The following RFTN1 variants were observed in gnomAD, a reference collection of about 807,000 sequenced individuals.
The protein encoded by RFTN1 is raftlin.
A neutral mutation model predicts 46.5 loss-of-function variants in RFTN1; 26 were observed. That is an observed-to-expected ratio of 0.56 (90% CI 0.41 to 0.78). RFTN1 has a LOEUF of 0.78. RFTN1 is among the 30% of genes least tolerant of loss of function. The pLI, the probability that RFTN1 is intolerant of heterozygous loss-of-function variation, is 0.00. For missense variants in RFTN1, 693 were observed against 718.7 expected, an observed-to-expected ratio of 0.96 and a Z score of 0.41; for synonymous variants, 261 against 284.2, an observed-to-expected ratio of 0.92 and a Z score of 0.82.
In RFTN1 at chr3:16,428,004, T is replaced by C. The variant is rs945972706; in HGVS notation, c.332+5847A>G. ...AGACCTGTAGACTTACCTGGGCAAT[T>C]ATATAATTTGCACATATATTTTGCA... On this transcript the variant is annotated intron_variant, in intron 3 of 9. Transcript: ENST00000334133. This position sits in a 1 kb window ranked among gnomAD's most constrained non-coding sequence, Gnocchi z 4.7. Among the ~76,000 whole-genome samples, 2 of 151,062 alleles carry C rather than the reference T, an allele frequency of 1.3e-5. No homozygotes were observed. The highest frequency in any genetic ancestry group is 4.9e-5 in the African/African-American group (2 of 40,750).
chr3:16,346,945 T>C lies in RFTN1; in HGVS notation c.1146+10987A>G, dbSNP rs2071762066. On this transcript the variant is annotated intron_variant, in intron 7 of 9. Coordinates refer to ENST00000334133, the MANE Select transcript of RFTN1 (RefSeq NM_015150.2). This position sits in a 1 kb window ranked among gnomAD's most constrained non-coding sequence, Gnocchi z 4.4. ...CAACCTCCCCACCTTGCTCTAGACT[T>C]CCTGCTCAATGAGATGAGATGAACA... Among the ~76,000 whole-genome samples, 1 of 152,196 alleles carries C rather than the reference T, an allele frequency of 6.6e-6. No homozygotes were observed. The highest frequency in any genetic ancestry group is 2.1e-4 in the South Asian group (1 of 4,826).
At position 16,358,010 on chromosome 3, in the gene RFTN1, A is replaced by G. The variant is rs772851596; in HGVS notation, c.1068T>C (p.Phe356=). The change falls in exon 7 of 10, where the codon TTT becomes TTC. Residue 356 remains phenylalanine, a synonymous_variant. Coordinates refer to ENST00000334133, the MANE Select transcript of RFTN1 (RefSeq NM_015150.2). ...TGCTATCTTCTGTGGAAACAGCTTC[A>G]AAGATGAATACTCCATCTGTCAAGC... The part of the protein sequence containing the change: ...LHGLTDGVFI[F]EAVSTEDSKT... 4 of 1,613,200 alleles carry G rather than the reference A, an allele frequency of 2.5e-6. No individual in the cohort carries two copies. Among genetic ancestry groups the G allele is most frequent in the Non-Finnish European group, 3.4e-6 (4 of 1,179,474 alleles).
chr3:16,362,652 T>C (rs1004697904), intron 6 of RFTN1, among the ~76,000 whole-genome samples: 5 of 152,164 alleles, frequency 3.3e-5, no homozygotes, highest in Admixed American at 1.3e-4. Context: ...TCAAGACTAC[T>C]ACAAAAATAA....
rs1472605750 is a variant in RFTN1 at position 16,480,590 on chromosome 3, G to C, written c.145+13135C>G. ...GACAGTGGCATGCAACTTGAGGCCA[G>C]AATCACCTACCTTTTCACACCAGAT... is the stretch of plus-strand genomic sequence containing the variant. On this transcript the variant is annotated intron_variant, in intron 2 of 9. Coordinates refer to ENST00000334133, the MANE Select transcript of RFTN1 (RefSeq NM_015150.2). The surrounding 1 kb of genome is among the most constrained non-coding windows in gnomAD (Gnocchi z 4.3). Among the ~76,000 whole-genome samples the C allele has an allele frequency of 1.3e-5, 2 of 152,152 alleles. No homozygotes were observed. The highest frequency in any genetic ancestry group is 2.9e-5 in the Non-Finnish European group (2 of 68,032).
At chr3:16,354,123 G>A (rs2072272628) in intron 7 of RFTN1, among the ~76,000 whole-genome samples, 1 of 152,214 alleles carries the variant, frequency 6.6e-6, no homozygotes, top group Non-Finnish European at 1.5e-5. Context: ...GTGCCTTGGA[G>A]AACAAAGATG....
At position 16,480,772 on chromosome 3, in the gene RFTN1, G is replaced by A. The variant is rs972687002; in HGVS notation, c.145+12953C>T. On this transcript the variant is annotated intron_variant, in intron 2 of 9. Transcript: ENST00000334133. The surrounding 1 kb of genome is among the most constrained non-coding windows in gnomAD (Gnocchi z 4.3). The stretch of plus-strand genomic sequence containing the variant: ...CAATATTGCTAATAATAATTAGTAG[G>A]GTGCATAGAATATTAACTTGTTTTC... 1.3e-5 allele frequency among the ~76,000 whole-genome samples: 2 copies of A among 151,988 alleles called. No homozygotes were observed. The highest frequency in any genetic ancestry group is 1.3e-4 in the Admixed American group (2 of 15,244).
rs2074013194 is a variant in RFTN1 at position 16,382,155 on chromosome 3, G to A, written c.442-4053C>T. On this transcript the variant is annotated intron_variant, in intron 4 of 9. Transcript: ENST00000334133. This position sits in a 1 kb window ranked among gnomAD's most constrained non-coding sequence, Gnocchi z 4.7. ...GCTTATTTCCTTCAAATAGATTCCT[G>A]GAAGTAGAATTAATGAATGAAGGGA... Among the ~76,000 whole-genome samples the A allele has an allele frequency of 6.6e-6, 1 of 152,154 alleles. No homozygotes were observed. The highest frequency in any genetic ancestry group is 2.1e-4 in the South Asian group (1 of 4,826).
chr3:16,360,619 C>T (rs1419305182), intron 6 of RFTN1, among the ~76,000 whole-genome samples: 2 of 152,206 alleles, frequency 1.3e-5, no homozygotes, highest in African/African-American at 4.8e-5. Flanking sequence ...AGTCCACCCT[C>T]TTTCACCCAG....
intron 3 of RFTN1, among the ~76,000 whole-genome samples, chr3:16,412,800 A>G (rs899835034): frequency 1.5e-4 from 23 of 152,234 alleles, no homozygotes; most frequent in African/African-American, 5.3e-4. Context: ...TTCAGGAAGA[A>G]GGAGAGAGCC....
chr3:16,449,855 A>T lies in RFTN1; in HGVS notation c.146-15818T>A, dbSNP rs930324795. Among the ~76,000 whole-genome samples the T allele has an allele frequency of 2.6e-5, 4 of 152,164 alleles. No individual in the cohort carries two copies. Among genetic ancestry groups the T allele is most frequent in the African/African-American group, 9.7e-5 (4 of 41,428 alleles). On this transcript the variant is annotated intron_variant, in intron 2 of 9. Coordinates refer to ENST00000334133, the MANE Select transcript of RFTN1 (RefSeq NM_015150.2). This position sits in a 1 kb window ranked among gnomAD's most constrained non-coding sequence, Gnocchi z 5.1. ...ACTTGTGGAAAGGGATGTGAGGAGG[A>T]AGGGGCAGGGCGTGTCTGCAATGGA...
rs1022741020 is a variant in RFTN1 at position 16,350,487 on chromosome 3, A to G, written c.1146+7445T>C. Among the ~76,000 whole-genome samples the G allele has an allele frequency of 4.8e-4, 66 of 137,638 alleles. 1 individual carries two copies. Among genetic ancestry groups the G allele is most frequent in the Non-Finnish European group, 7.7e-4 (49 of 63,246 alleles). 90.3% of individuals were successfully genotyped at this position (137,638 alleles called of 152,430 possible). On this transcript the variant is annotated intron_variant, in intron 7 of 9. Coordinates refer to ENST00000334133, the MANE Select transcript of RFTN1 (RefSeq NM_015150.2). ...TTTTAAATGAGCTCAAGCTGAGATG[A>G]ATCACTTTTTTTTTTTTTTTAAAGG...
Position 16,329,342 on chromosome 3 carries a change from AGAAAGG to A in RFTN1, c.1147-2472_1147-2467del, listed in dbSNP as rs76482250. 0.17 allele frequency among the ~76,000 whole-genome samples: 25,394 copies of A among 151,982 alleles called. 2,217 individuals are homozygous for A. Among genetic ancestry groups the A allele is most frequent in the Middle Eastern group, 0.27 (78 of 290 alleles). ...GTGGACCGAGACAGGGCGGAAGTGGAGAAAGGGAAAGGGAAAGAGGAAACTTAATAA... is the reference window on the plus strand; with the variant it reads ...GTGGACCGAGACAGGGCGGAAGTGGAGAAAGGGAAAGAGGAAACTTAATAA... On this transcript the variant is annotated intron_variant, in intron 7 of 9. Coordinates refer to ENST00000334133, the MANE Select transcript of RFTN1 (RefSeq NM_015150.2). This position sits in a 1 kb window ranked among gnomAD's most constrained non-coding sequence, Gnocchi z 4.5.
Position 16,434,393 on chromosome 3 carries a change from C to CAAACAAAAA in RFTN1, c.146-357_146-356insTTTTTGTTT, listed in dbSNP as rs1553595785. On this transcript the variant is annotated intron_variant, in intron 2 of 9. Coordinates refer to ENST00000334133, the MANE Select transcript of RFTN1 (RefSeq NM_015150.2). ...ACAAACAAACAAACAAACAAACAAA[C>CAAACAAAAA]AAAAACAAAAAAACCCCCTCAAAAT... Among the ~76,000 whole-genome samples the CAAACAAAAA allele has an allele frequency of 1.3e-3, 151 of 113,398 alleles. No homozygotes were observed. In the East Asian group the frequency reaches 0.014, roughly 10 times the overall value. 74.4% of individuals were successfully genotyped at this position (113,398 alleles called of 152,430 possible). A position where few individuals can be genotyped will look rare whatever the true frequency, so the allele number is the denominator to read the frequency against.
At chr3:16,379,104 C>T (rs2073891868) in intron 4 of RFTN1, among the ~76,000 whole-genome samples, 1 of 152,248 alleles carries the variant, frequency 6.6e-6, no homozygotes, top group Non-Finnish European at 1.5e-5. Context: ...AAGTCTTAGT[C>T]ACCAAGCTCT....
At position 16,433,918 on chromosome 3, in the gene RFTN1, TG is replaced by T. The variant is rs990443598; in HGVS notation, c.264del (p.Thr89ProfsTer17). 1.9e-6 allele frequency: 3 copies of T among 1,613,990 alleles called. No homozygotes were observed. The African/African-American group carries it at 4.0e-5, about 22-fold the overall frequency. On this transcript the variant is annotated frameshift_variant, in exon 3 of 10. Coordinates refer to ENST00000334133, the MANE Select transcript of RFTN1 (RefSeq NM_015150.2). LOFTEE classifies it high-confidence loss of function. This position sits in a 1 kb window ranked among gnomAD's most constrained non-coding sequence, Gnocchi z 4.4. ...SLAALHPFVQ[P>X]THEREKTPLE... Reference sequence around the variant, plus strand: ...AGGGGCGTCTTCTCCCGCTCATGGGTGGGCTGCACGAAGGGGTGCAGGGCCG... The same window carrying T: ...AGGGGCGTCTTCTCCCGCTCATGGGTGGCTGCACGAAGGGGTGCAGGGCCG...
At chr3:16,455,817 T>C (rs1196167270) in intron 2 of RFTN1, among the ~76,000 whole-genome samples, 7 of 152,200 alleles carry the variant, frequency 4.6e-5, no homozygotes, top group Non-Finnish European at 8.8e-5. Context: ...TAATTCTACA[T>C]CGGCTGTTCT....
chr3:16,456,351 C>T (rs188874244), intron 2 of RFTN1, among the ~76,000 whole-genome samples: 41 of 152,230 alleles, frequency 2.7e-4, no homozygotes, highest in African/African-American at 9.9e-4. Context: ...AGAAAGTATA[C>T]CCCTCTTTTT....
chr3:16,378,776 C>T (rs1222767710), intron 4 of RFTN1, among the ~76,000 whole-genome samples: 1 of 135,536 alleles, frequency 7.4e-6, no homozygotes, highest in Non-Finnish European at 1.6e-5. Flanking sequence ...CAGACTGACT[C>T]TTGGCTCTCC....
chr3:16,441,302 A>G, intron 2 of RFTN1, among the ~76,000 whole-genome samples: 1 of 145,630 alleles, frequency 6.9e-6, no homozygotes, highest in Admixed American at 6.8e-5. Flanking sequence ...CAAGAACTAA[A>G]AAAAAAAAAA....
Sources: gnomAD v4.1 joint callset for allele counts (sites outside exome capture counted in the v4.1 genomes callset) on GRCh38, gnomAD v4.1.1 for gene constraint, Gnocchi (gnomAD v3.1) non-coding constraint, MANE v1.5 for transcripts, NCBI Gene and HGNC (gene_info 2026-07-23, HGNC 2026-07-21) for gene names.